Variants in GRM7 observed in about 807,000 individuals in gnomAD.
GRM7 encodes glutamate metabotropic receptor 7, also known as metabotropic glutamate receptor 7.
GRM7 carries 35 observed loss-of-function variants against 84.5 expected under a neutral mutation model. The ratio of observed to expected loss-of-function variants is 0.41; its 90% CI spans 0.32 to 0.55. The LOEUF (loss-of-function observed/expected upper bound fraction) is 0.55, where lower values mean the gene tolerates loss of function less well. GRM7 is among the 20% of genes least tolerant of loss of function. The probability of loss-of-function intolerance (pLI) is 0.19; values close to 1 mark genes in which losing one functional copy is unlikely to be tolerated. For missense variants in GRM7, 1,003 were observed against 1,194.6 expected (o/e 0.84, Z 2.36); for synonymous variants, 487 against 455.1 (o/e 1.07, Z -0.89).
chr3:6,963,968 T>C (rs974730824), intron 1 of GRM7, among the ~76,000 whole-genome samples: 2 of 152,246 alleles, frequency 1.3e-5, no homozygotes, highest in African/African-American at 2.4e-5. Flanking sequence ...TGCCTTCATT[T>C]CACCAACTTA....
intron 8 of GRM7, among the ~76,000 whole-genome samples, chr3:7,579,775 T>C (rs2125053877): frequency 1.3e-5 from 2 of 152,314 alleles, no homozygotes; most frequent in Middle Eastern, 6.8e-3. Flanking sequence ...CCAGTGTAAA[T>C]GCTCTCTCGC....
At chr3:7,025,724 C>T (rs1264517525) in intron 1 of GRM7, among the ~76,000 whole-genome samples, 1 of 152,184 alleles carries the variant, frequency 6.6e-6, no homozygotes, top group Non-Finnish European at 1.5e-5. Flanking sequence ...CTTACTCTAA[C>T]ATTGGCCTCT....
At chr3:7,440,511 A>C (rs1205067476) in intron 5 of GRM7, among the ~76,000 whole-genome samples, 2 of 151,616 alleles carry the variant, frequency 1.3e-5, no homozygotes, top group Non-Finnish European at 2.9e-5. Flanking sequence ...TTTAATTTTA[A>C]TTTGAGTTTA....
intron 1 of GRM7, among the ~76,000 whole-genome samples, chr3:7,118,619 A>G (rs931906421): frequency 2.0e-5 from 3 of 151,470 alleles, no homozygotes; most frequent in African/African-American, 4.9e-5. Flanking sequence ...GCTAAAAAAA[A>G]AGAAGAGCCA....
At chr3:7,447,134 A>G (rs1697551865) in intron 5 of GRM7, among the ~76,000 whole-genome samples, 1 of 152,210 alleles carries the variant, frequency 6.6e-6, no homozygotes, top group Non-Finnish European at 1.5e-5. Context: ...ATAATGCTTC[A>G]GAGTTCTCAT....
chr3:7,730,088 T>C (rs1193904452), intron 9 of GRM7, among the ~76,000 whole-genome samples: 1 of 149,214 alleles, frequency 6.7e-6, no homozygotes, highest in Non-Finnish European at 1.5e-5. Context: ...TTGGACAGGC[T>C]GGTTTCGATC....
intron 2 of GRM7, among the ~76,000 whole-genome samples, chr3:7,255,509 G>T (rs1698161682): frequency 6.6e-6 from 1 of 152,166 alleles, no homozygotes; most frequent in Non-Finnish European, 1.5e-5. Flanking sequence ...ACAAAAGACT[G>T]CTCAGAAATA....
At chr3:7,462,296 T>C (rs1487847594) in intron 7 of GRM7, among the ~76,000 whole-genome samples, 1 of 152,190 alleles carries the variant, frequency 6.6e-6, no homozygotes, top group African/African-American at 2.4e-5. Flanking sequence ...AAAAATTCTC[T>C]CTTAGCCTTT....
At chr3:7,140,308 AG>A (rs1693906891) in intron 1 of GRM7, among the ~76,000 whole-genome samples, 1 of 152,030 alleles carries the variant, frequency 6.6e-6, no homozygotes, top group Admixed American at 6.6e-5. Flanking sequence ...ATTCCAAGTA[AG>A]GGGAGAGAAA....
chr3:6,977,474 G>C (rs2124823648), intron 1 of GRM7, among the ~76,000 whole-genome samples: 1 of 152,092 alleles, frequency 6.6e-6, no homozygotes, highest in African/African-American at 2.4e-5. Context: ...TGCCTAAACT[G>C]TTCTTTTCTT....
chr3:7,051,272 C>T (rs1696990173), intron 1 of GRM7, among the ~76,000 whole-genome samples: 5 of 151,608 alleles, frequency 3.3e-5, no homozygotes. Context: ...TGATCCTCAC[C>T]ACAGCCTGTG....
Position 6,877,451 on chromosome 3 carries a change from A to C in GRM7, c.519+15544A>C, listed in dbSNP as rs185041676. ...CATGGTTCTATATAGATATGTAGAC[A>C]CATCATGTGTCATCAACCTGCAGCT... On this transcript the variant is annotated intron_variant, in intron 1 of 9. Transcript: ENST00000357716. 2.8e-4 allele frequency among the ~76,000 whole-genome samples: 42 copies of C among 152,298 alleles called. No individual in the cohort carries two copies. The East Asian group carries it at 7.0e-3, about 25-fold the overall frequency.
At chr3:7,219,115 T>C (rs1044638750) in intron 2 of GRM7, among the ~76,000 whole-genome samples, 1 of 152,200 alleles carries the variant, frequency 6.6e-6, no homozygotes, top group East Asian at 1.9e-4. Flanking sequence ...TTAACTCCTC[T>C]GAAGTTCATT....
intron 8 of GRM7, among the ~76,000 whole-genome samples, chr3:7,598,138 T>G (rs1169021207): frequency 6.6e-6 from 1 of 152,192 alleles, no homozygotes; most frequent in East Asian, 1.9e-4. Context: ...GTCATCATAA[T>G]CTGACATATT....
At chr3:7,683,677 C>T (rs1214846354) in intron 9 of GRM7, among the ~76,000 whole-genome samples, 2 of 152,232 alleles carry the variant, frequency 1.3e-5, no homozygotes, top group African/African-American at 2.4e-5. Context: ...AGAGTAAGCA[C>T]TAGCACATGT....
intron 4 of GRM7, among the ~76,000 whole-genome samples, chr3:7,359,631 G>A (rs538712358): frequency 5.4e-5 from 8 of 148,146 alleles, no homozygotes; most frequent in Non-Finnish European, 1.0e-4. Context: ...GAGCCACCAT[G>A]CCAGGTCAAT....
chr3:7,112,001 CA>C (rs1692869590), intron 1 of GRM7, among the ~76,000 whole-genome samples: 1 of 151,972 alleles, frequency 6.6e-6, no homozygotes, highest in Non-Finnish European at 1.5e-5. Context: ...ATTATTTTGG[CA>C]AAAGGCAATA....
At chr3:7,709,964 G>A (rs1701524673) in intron 9 of GRM7, among the ~76,000 whole-genome samples, 2 of 152,040 alleles carry the variant, frequency 1.3e-5, no homozygotes, top group Admixed American at 1.3e-4. Flanking sequence ...CTTTTTTCCT[G>A]TGACTTGTGG....
chr3:7,086,460 T>C (rs1000348117), intron 1 of GRM7, among the ~76,000 whole-genome samples: 6 of 152,136 alleles, frequency 3.9e-5, no homozygotes, highest in Non-Finnish European at 7.3e-5. Flanking sequence ...TATATTAAAG[T>C]AGTAAGTGAG....
Sources: gnomAD v4.1 joint callset for allele counts (sites outside exome capture counted in the v4.1 genomes callset) on GRCh38, gnomAD v4.1.1 for gene constraint, MANE v1.5 for transcripts, NCBI Gene and HGNC (gene_info 2026-07-23, HGNC 2026-07-21) for gene names.